The following PRKCH variants were observed in gnomAD, a reference collection of about 807,000 sequenced individuals.
PRKCH encodes protein kinase C eta type.
PRKCH carries 28 observed loss-of-function variants against 82.5 expected under a neutral mutation model. The ratio of observed to expected loss-of-function variants is 0.34; its 90% confidence interval spans 0.25 to 0.47. The LOEUF (loss-of-function observed/expected upper bound fraction) is 0.47, where lower values mean the gene tolerates loss of function less well. PRKCH is among the 20% of genes least tolerant of loss of function. PRKCH has a pLI of 1.00. For missense variants in PRKCH, 705 were observed against 881.8 expected, an observed-to-expected ratio of 0.80 and a Z score of 2.54; for synonymous variants, 322 against 327.4, an observed-to-expected ratio of 0.98 and a Z score of 0.18.
At chr14:61,419,909 T>C (rs567606350) in intron 2 of PRKCH, among the ~76,000 whole-genome samples, 1 of 152,340 alleles carries the variant, frequency 6.6e-6, no homozygotes, top group South Asian at 2.1e-4. Context: ...TGTTGAGGTT[T>C]GGCTACCACA....
intron 10 of PRKCH, among the ~76,000 whole-genome samples, chr14:61,494,722 A>G (rs745501545): frequency 6.6e-6 from 1 of 152,260 alleles, no homozygotes; most frequent in Non-Finnish European, 1.5e-5. Context: ...CCATAGGCAT[A>G]GGCAGCAATT....
At chr14:61,371,887 A>G (rs559094818) in intron 1 of PRKCH, among the ~76,000 whole-genome samples, 6 of 151,980 alleles carry the variant, frequency 3.9e-5, no homozygotes, top group South Asian at 4.1e-4. Context: ...AGATTTGTCT[A>G]TTCTCCCCCA....
At chr14:61,278,061 A>T (rs2045220514) in intron 1 of PRKCH, 1 of 152,224 alleles carries the variant, frequency 6.6e-6, no homozygotes, top group Non-Finnish European at 1.5e-5. Flanking sequence ...ATTTAACCAG[A>T]ATCAGAATAC....
intron 1 of PRKCH, among the ~76,000 whole-genome samples, chr14:61,287,744 C>T (rs1047191569): frequency 6.6e-6 from 1 of 151,914 alleles, no homozygotes; most frequent in African/African-American, 2.4e-5. Flanking sequence ...ATTAGACTGC[C>T]CAGTGTGGCC....
intron 10 of PRKCH, among the ~76,000 whole-genome samples, chr14:61,518,506 T>C (rs2042858706): frequency 6.6e-6 from 1 of 152,174 alleles, no homozygotes; most frequent in Non-Finnish European, 1.5e-5. Context: ...GCTCATTTAT[T>C]TGATGGTCCT....
chr14:61,319,458 A>C (rs553225289), upstream of PRKCH, among the ~76,000 whole-genome samples: 15 of 152,276 alleles, frequency 9.9e-5, no homozygotes, highest in East Asian at 7.7e-4. Flanking sequence ...CACCATTGCC[A>C]ATCCTGATAG....
upstream of PRKCH, among the ~76,000 whole-genome samples, chr14:61,319,543 A>G (rs144184116): frequency 1.6e-4 from 25 of 152,182 alleles, 1 homozygote; most frequent in East Asian, 4.5e-3. Flanking sequence ...GCCACCTACC[A>G]TTTGGGGACT....
chr14:61,352,734 G>GAAAGAAAA (rs1249223650), intron 1 of PRKCH, among the ~76,000 whole-genome samples: 8 of 148,288 alleles, frequency 5.4e-5, no homozygotes, highest in Non-Finnish European at 7.5e-5. Flanking sequence ...AAGAAAGAAA[G>GAAAGAAAA]AAAGAAAGAT....
In PRKCH at chr14:61,439,420, GGT is replaced by G. The variant is rs147182439; in HGVS notation, c.428-3682_428-3681del. 9.5e-3 allele frequency among the ~76,000 whole-genome samples: 1,451 copies of G among 152,274 alleles called. 21 individuals are homozygous for G. The highest frequency in any genetic ancestry group is 0.032 in the African/African-American group (1,337 of 41,536). On this transcript the variant is annotated intron_variant, in intron 2 of 13. Coordinates refer to ENST00000332981, the MANE Select transcript of PRKCH (RefSeq NM_006255.5). Reference sequence around the variant, plus strand: ...TGACCAAATGTCTTGCAAAGTCCCAGGTGTGTGTGTAGGTGCATGAGTGTGTA... The same window carrying G: ...TGACCAAATGTCTTGCAAAGTCCCAGGTGTGTGTAGGTGCATGAGTGTGTA...
chr14:61,245,761 A>G (rs1231826051), intron 1 of PRKCH, among the ~76,000 whole-genome samples: 1 of 152,226 alleles, frequency 6.6e-6, no homozygotes, highest in Non-Finnish European at 1.5e-5. Flanking sequence ...GCATTAGATT[A>G]TTCAATCTGT....
chr14:61,361,402 G>C (rs1195920172), intron 1 of PRKCH, among the ~76,000 whole-genome samples: 1 of 152,220 alleles, frequency 6.6e-6, no homozygotes, highest in African/African-American at 2.4e-5. Context: ...AGTGTAGGCA[G>C]AGCAGCTTTC....
intron 9 of PRKCH, among the ~76,000 whole-genome samples, chr14:61,468,304 C>G (rs1055519461): frequency 2.6e-5 from 4 of 152,198 alleles, no homozygotes; most frequent in Non-Finnish European, 5.9e-5. Flanking sequence ...TTTCCTGTCT[C>G]TGCATGTTCC....
intron 1 of PRKCH, among the ~76,000 whole-genome samples, chr14:61,197,503 C>T (rs890678580): frequency 3.3e-5 from 5 of 152,196 alleles, no homozygotes; most frequent in African/African-American, 1.2e-4. Flanking sequence ...CAGTGCAGGG[C>T]ATCACATGGT....
chr14:61,189,060 C>G (rs765742447), intron 1 of PRKCH, among the ~76,000 whole-genome samples: 5 of 152,206 alleles, frequency 3.3e-5, no homozygotes, highest in Non-Finnish European at 7.3e-5. Context: ...GTACATAAAA[C>G]AAAAGGACAG....
At chr14:61,509,917 AAAAAC>A (rs1428984238) in intron 10 of PRKCH, among the ~76,000 whole-genome samples, 1 of 152,096 alleles carries the variant, frequency 6.6e-6, no homozygotes, top group Non-Finnish European at 1.5e-5. Context: ...TCCATCTCAA[AAAAAC>A]AAAACAAACA....
intron 1 of PRKCH, among the ~76,000 whole-genome samples, chr14:61,293,955 T>C (rs1433385503): frequency 2.0e-5 from 3 of 152,180 alleles, no homozygotes; most frequent in African/African-American, 7.2e-5. Context: ...CCATTTTCAT[T>C]GCATATGTCA....
At chr14:61,201,661 C>G (rs550228400) in intron 1 of PRKCH, among the ~76,000 whole-genome samples, 1 of 152,088 alleles carries the variant, frequency 6.6e-6, no homozygotes, top group Non-Finnish European at 1.5e-5. Flanking sequence ...TTTAACATTA[C>G]TACATCAAAA....
chr14:61,281,152 G>A (rs2045261938), intron 1 of PRKCH: 4 of 1,338,062 alleles, frequency 3.0e-6, no homozygotes, highest in Admixed American at 4.1e-5. Flanking sequence ...GGTCATGGCG[G>A]CCGCGCGGGG....
At chr14:61,433,543 G>T (rs377099613) in intron 2 of PRKCH, among the ~76,000 whole-genome samples, 2 of 152,242 alleles carry the variant, frequency 1.3e-5, no homozygotes, top group African/African-American at 4.8e-5. Flanking sequence ...TGGGGTGGGG[G>T]TAGAGAGAAC....
Sources: gnomAD v4.1 joint callset for allele counts (sites outside exome capture counted in the v4.1 genomes callset) on GRCh38, gnomAD v4.1.1 for gene constraint, MANE v1.5 for transcripts, NCBI Gene and HGNC (gene_info 2026-07-23, HGNC 2026-07-21) for gene names.